Variants in RNF14 observed in about 807,000 individuals in gnomAD.
The protein encoded by RNF14 is ring finger protein 14, also known as E3 ubiquitin-protein ligase RNF14.
In RNF14, 26 loss-of-function variants were observed where a neutral mutation model predicts 52.6. That is an observed-to-expected ratio of 0.49 (90% CI 0.36 to 0.69). The LOEUF (loss-of-function observed/expected upper bound fraction) is 0.69, where lower values mean the gene tolerates loss of function less well. Among genes scored for constraint, RNF14 ranks in the 30% least tolerant of loss-of-function variants. The pLI is 0.00. For missense variants in RNF14, 404 were observed against 560.4 expected (o/e 0.72, Z 2.82); for synonymous variants, 194 against 202.0 (o/e 0.96, Z 0.34).
intron 5 of RNF14, among the ~76,000 whole-genome samples, chr5:141,979,151 A>C (rs1443178283): frequency 6.6e-6 from 1 of 152,250 alleles, no homozygotes; most frequent in Non-Finnish European, 1.5e-5. Context: ...TGAGGTTGGC[A>C]TCTGAAGGGG....
chr5:141,978,243 G>C, intron 4 of RNF14, 60 bp from the exon 5 acceptor site: 1 of 1,440,164 alleles, frequency 6.9e-7, no homozygotes, highest in Non-Finnish European at 9.4e-7. Context: ...AGGGAAACCA[G>C]GAGTTGGCAG....
Position 141,970,806 on chromosome 5 carries a change from G to A in RNF14, c.-78G>A, listed in dbSNP as rs1011724596. 3.9e-5 allele frequency: 6 copies of A among 152,256 alleles called. No homozygotes were observed. The highest frequency in any genetic ancestry group is 7.3e-5 in the Non-Finnish European group (5 of 68,028). The allele number at this position is 152,256 out of a possible 1,614,324, so 9.4% of individuals were successfully genotyped here. ...ACCAGTTAGAGAATAAATGGGATTT[G>A]CATGAACTCCACTCTGAGCTGAAAT... On this transcript the variant is annotated 5_prime_UTR_variant, in exon 2 of 9. Coordinates refer to ENST00000394520, the MANE Select transcript of RNF14 (RefSeq NM_004290.5).
At chr5:141,959,800 C>G (rs1177884397) in intron 1 of RNF14, among the ~76,000 whole-genome samples, 3 of 152,138 alleles carry the variant, frequency 2.0e-5, no homozygotes, top group African/African-American at 7.2e-5. Context: ...CAGCATGGCC[C>G]TGGAGACAGA....
At chr5:141,949,355 G>T in the RNF14 span, 1 of 1,504,580 alleles carries the variant, frequency 6.6e-7, no homozygotes. Context: ...TTTCCCTGCA[G>T]TGGATTGGAG....
chr5:141,956,540 G>A (rs776726940), upstream of RNF14: 3 of 1,614,210 alleles, frequency 1.9e-6, no homozygotes, highest in Admixed American at 5.0e-5. Flanking sequence ...GATAAGGGCT[G>A]GAGTCCTTGG....
chr5:141,970,919 A>G (rs1753685830), intron 2 of RNF14, 42 bp downstream of exon 2: 1 of 152,342 alleles, frequency 6.6e-6, no homozygotes, highest in Non-Finnish European at 1.5e-5. Flanking sequence ...TGTGTCTTAG[A>G]TAGGGATGCA....
chr5:141,967,212 A>T (rs1753372912), upstream of RNF14, among the ~76,000 whole-genome samples: 1 of 152,164 alleles, frequency 6.6e-6, no homozygotes. Flanking sequence ...CCAACTACAT[A>T]ATTTACAAAG....
intron 6 of RNF14, chr5:141,982,512 C>T (rs2127039070): frequency 6.6e-6 from 1 of 152,298 alleles, no homozygotes; most frequent in South Asian, 2.1e-4. Flanking sequence ...ATAACTAGAA[C>T]ATTGTTGAGA....
chr5:141,957,405 A>G, upstream of RNF14: 1 of 1,613,444 alleles, frequency 6.2e-7, no homozygotes, highest in Non-Finnish European at 8.5e-7. This position sits in a 1 kb window ranked among gnomAD's most constrained non-coding sequence, Gnocchi z 4.3. Flanking sequence ...GGGTTCGCAG[A>G]GAGGCGCTCT....
chr5:141,953,759 T>C (rs1753128108), upstream of RNF14, among the ~76,000 whole-genome samples: 1 of 152,252 alleles, frequency 6.6e-6, no homozygotes, highest in Non-Finnish European at 1.5e-5. Context: ...TGGCAGCCTC[T>C]GGGTCTGCAC....
At chr5:141,957,894 T>C, upstream of RNF14, 1 of 1,564,584 alleles carries the variant, frequency 6.4e-7, no homozygotes, top group Non-Finnish European at 8.6e-7. The surrounding 1 kb of genome is among the most constrained non-coding windows in gnomAD (Gnocchi z 4.3). Context: ...ACTAGAGTTC[T>C]TTCAAGGCTG....
intron 1 of RNF14, among the ~76,000 whole-genome samples, chr5:141,960,531 A>G (rs1408120907): frequency 6.6e-6 from 1 of 151,950 alleles, no homozygotes; most frequent in Non-Finnish European, 1.5e-5. Context: ...CAGGGGACAT[A>G]AGCAGGGGTC....
At chr5:141,977,332 G>T (rs1754357350) in intron 4 of RNF14, among the ~76,000 whole-genome samples, 1 of 152,216 alleles carries the variant, frequency 6.6e-6, no homozygotes, top group Non-Finnish European at 1.5e-5. Flanking sequence ...CCTATGCAGG[G>T]TTTAGTCAGT....
At position 141,980,182 on chromosome 5, in the gene RNF14, C is replaced by G; in HGVS notation, c.894C>G (p.Ser298=). 6.2e-7 allele frequency: 1 copy of G among 1,614,254 alleles called. No homozygotes were observed. Among genetic ancestry groups the G allele is most frequent in the Non-Finnish European group, 8.5e-7 (1 of 1,180,052 alleles). Residue 298 remains serine, a synonymous_variant, in exon 6 of 9, where the codon TCC becomes TCG. Coordinates refer to ENST00000394520, the MANE Select transcript of RNF14 (RefSeq NM_004290.5). The stretch of plus-strand genomic sequence containing the variant: ...GTTATGACCGCCTTCTCCTCCAGTC[C>G]TCCTTGGACCTGATGGCAGATGTGG... ...FARYDRLLLQ[S]SLDLMADVVY... is the part of the protein sequence containing the mutation.
In RNF14 at chr5:141,970,768, C is replaced by A. The variant is rs1753671297; in HGVS notation, c.-116C>A. The A allele has an allele frequency of 1.3e-5, 2 of 152,340 alleles. No homozygotes were observed. Among genetic ancestry groups the A allele is most frequent in the African/African-American group, 4.8e-5 (2 of 41,456 alleles). 9.4% of individuals were successfully genotyped at this position (152,340 alleles called of 1,614,324 possible). A position where few individuals can be genotyped will look rare whatever the true frequency, so the allele number is the denominator to read the frequency against. The stretch of plus-strand genomic sequence containing the variant: ...ATCTTGGCCTCTTACCCAGCTTCAG[C>A]AGTCTCAGCTCCACCAGTTAGAGAA... On this transcript the variant is annotated 5_prime_UTR_variant, in exon 2 of 9. Transcript: ENST00000394520.
At chr5:141,970,399 CA>C (rs1753642628) in intron 1 of RNF14, among the ~76,000 whole-genome samples, 1 of 152,124 alleles carries the variant, frequency 6.6e-6, no homozygotes, top group African/African-American at 2.4e-5. Flanking sequence ...AAACAAAAAA[CA>C]AACTGAAGAG....
intron 4 of RNF14, among the ~76,000 whole-genome samples, chr5:141,976,940 C>T (rs1754322870): frequency 1.3e-5 from 2 of 152,104 alleles, no homozygotes; most frequent in South Asian, 4.1e-4. Context: ...AGGCGCCCGC[C>T]ACCACACCTG....
chr5:141,980,910 T>C (rs1274311278), intron 6 of RNF14, among the ~76,000 whole-genome samples: 1 of 152,196 alleles, frequency 6.6e-6, no homozygotes, highest in African/African-American at 2.4e-5. Context: ...GCTTTCTCCT[T>C]GAGCCCAGAG....
chr5:141,964,210 A>ACTGGC (rs1054042495), upstream of RNF14, among the ~76,000 whole-genome samples: 2 of 152,332 alleles, frequency 1.3e-5, no homozygotes, highest in African/African-American at 4.8e-5. Flanking sequence ...TTTAGGTTGC[A>ACTGGC]CTGGCCAGGG....
Sources: allele counts gnomAD v4.1 joint callset (sites outside exome capture counted in the v4.1 genomes callset), GRCh38; gene constraint gnomAD v4.1.1; non-coding constraint Gnocchi (gnomAD v3.1); transcripts MANE v1.5; gene names NCBI Gene and HGNC (gene_info 2026-07-23, HGNC 2026-07-21).